The following MRPL47 variants were observed in gnomAD, a reference collection of about 807,000 sequenced individuals.
MRPL47 encodes mitochondrial ribosomal protein L47, also known as large ribosomal subunit protein uL29m.
Under a neutral mutation model 34.0 loss-of-function variants are expected in MRPL47, and 31 were observed. That is an observed-to-expected ratio of 0.91 (90% CI 0.68 to 1.23). MRPL47 has a LOEUF of 1.23. MRPL47 is among the 50% of genes most tolerant of loss of function. The pLI, the probability that MRPL47 is intolerant of heterozygous loss-of-function variation, is 0.00. For synonymous variants in MRPL47, 106 were observed against 101.6 expected (o/e 1.04, Z -0.26); for missense variants, 328 against 285.8 (o/e 1.15, Z -1.07).
intron 4 of MRPL47, among the ~76,000 whole-genome samples, chr3:179,597,385 A>G (rs182588126): frequency 3.3e-4 from 50 of 152,334 alleles, no homozygotes; most frequent in African/African-American, 9.1e-4. Context: ...TAAAGTAGCT[A>G]AGGTTAGGTA....
At chr3:179,597,730 C>T (rs1718819625) in intron 4 of MRPL47, among the ~76,000 whole-genome samples, 1 of 152,112 alleles carries the variant, frequency 6.6e-6, no homozygotes, top group African/African-American at 2.4e-5. Flanking sequence ...ATCGTTTGAA[C>T]CCGGGAGGTG....
chr3:179,597,546 C>T (rs146874538), intron 4 of MRPL47, among the ~76,000 whole-genome samples: 2 of 152,318 alleles, frequency 1.3e-5, no homozygotes, highest in African/African-American at 4.8e-5. Flanking sequence ...CGATGACTCA[C>T]ACCTGTAATC....
chr3:179,593,988 T>A (rs181630419), intron 4 of MRPL47, 93 bp from the exon 5 acceptor site: 9 of 1,149,884 alleles, frequency 7.8e-6, no homozygotes, highest in Non-Finnish European at 1.1e-5. Context: ...TACAGAAAAC[T>A]TATGAATATT....
At chr3:179,592,370 A>AT (rs1209043909) in intron 6 of MRPL47, among the ~76,000 whole-genome samples, 1 of 151,396 alleles carries the variant, frequency 6.6e-6, no homozygotes, top group Non-Finnish European at 1.5e-5. Context: ...AATTTTTTGT[A>AT]TATTTAGTAG....
intron 4 of MRPL47, among the ~76,000 whole-genome samples, chr3:179,597,284 C>A (rs2108382104): frequency 6.6e-6 from 1 of 152,258 alleles, no homozygotes; most frequent in Non-Finnish European, 1.5e-5. Flanking sequence ...TCATTTTATA[C>A]CTTCTTTGAT....
intron 3 of MRPL47, among the ~76,000 whole-genome samples, chr3:179,601,015 C>T (rs1718914321): frequency 6.6e-6 from 1 of 152,190 alleles, no homozygotes; most frequent in African/African-American, 2.4e-5. Flanking sequence ...CCAGAAAAAT[C>T]TACCTAAATT....
chr3:179,593,933 T>C (rs376312929), intron 4 of MRPL47, 38 bp from the exon 5 acceptor site: 144 of 1,583,038 alleles, frequency 9.1e-5, no homozygotes, highest in Non-Finnish European at 1.2e-4. Context: ...TCAACAATCA[T>C]CTACTACAAA....
intron 1 of MRPL47, 144 bp from the exon 2 acceptor site, chr3:179,602,941 T>A: frequency 1.4e-6 from 1 of 702,490 alleles, no homozygotes; most frequent in Non-Finnish European, 2.2e-6. Flanking sequence ...AGAATTAATT[T>A]TTTTTTCTTA....
Position 179,588,783 on chromosome 3 carries a change from G to A in MRPL47, c.*89C>T. The A allele has an allele frequency of 1.6e-6, 2 of 1,284,772 alleles. No homozygotes were observed. The highest frequency in any genetic ancestry group is 2.1e-6 in the Non-Finnish European group (2 of 946,178). 79.6% of individuals were successfully genotyped at this position (1,284,772 alleles called of 1,614,324 possible). A position where few individuals can be genotyped will look rare whatever the true frequency, so the allele number is the denominator to read the frequency against. ...TAGTAAAGTCACTTGACTAAAAACA[G>A]AATTTCTTTATAAACCACTTAACAT... On this transcript the variant is annotated 3_prime_UTR_variant, in exon 7 of 7. Coordinates refer to ENST00000476781, the MANE Select transcript of MRPL47 (RefSeq NM_020409.3).
chr3:179,595,385 T>C (rs1318300006), intron 4 of MRPL47, among the ~76,000 whole-genome samples: 1 of 152,198 alleles, frequency 6.6e-6, no homozygotes. Context: ...ACTTCTGCTA[T>C]CCTCAACTTC....
Position 179,588,536 on chromosome 3 carries a change from T to TAA in MRPL47, c.*334_*335dup, listed in dbSNP as rs1193457389. 1.0e-5 allele frequency: 2 copies of TAA among 198,078 alleles called. No homozygotes were observed. Among genetic ancestry groups the TAA allele is most frequent in the Non-Finnish European group, 2.1e-5 (2 of 96,512 alleles). 12.3% of individuals were successfully genotyped at this position (198,078 alleles called of 1,614,324 possible). ...CTTCATAGCCTATTAACAACAGAGG[T>TAA]AAAACTATTATTCAAATTCAAAAAC... On this transcript the variant is annotated 3_prime_UTR_variant, in exon 7 of 7. Coordinates refer to ENST00000476781, the MANE Select transcript of MRPL47 (RefSeq NM_020409.3).
At chr3:179,599,126 A>G (rs914028788) in intron 3 of MRPL47, among the ~76,000 whole-genome samples, 38 of 152,046 alleles carry the variant, frequency 2.5e-4, no homozygotes, top group African/African-American at 8.7e-4. Context: ...CTAAGATCAC[A>G]CTACTATACT....
At chr3:179,598,130 G>C (rs919935983) in intron 4 of MRPL47, among the ~76,000 whole-genome samples, 3 of 152,138 alleles carry the variant, frequency 2.0e-5, no homozygotes, top group Admixed American at 2.0e-4. Flanking sequence ...TATGTTAGAA[G>C]TTGCAGGTAG....
rs572019290 is a variant in MRPL47, at chr3:179,600,076, G to A, written c.306-1305C>T. On this transcript the variant is annotated intron_variant, in intron 3 of 6. Transcript: ENST00000476781. ...GCGGAGGTTGCAGTGGGCTGAGATC[G>A]TGCCATTGCACTCCGGCCTGGGCGA... Among the ~76,000 whole-genome samples, 87 of 151,628 alleles carry A rather than the reference G, an allele frequency of 5.7e-4. 1 individual carries two copies. The Middle Eastern group carries it at 0.01, about 18-fold the overall frequency.
intron 1 of MRPL47, among the ~76,000 whole-genome samples, chr3:179,604,073 AAAAT>A (rs1478626792): frequency 6.6e-6 from 1 of 152,198 alleles, no homozygotes; most frequent in Non-Finnish European, 1.5e-5. Context: ...AGGACCAAGA[AAAAT>A]AAATAAATAA....
intron 4 of MRPL47, among the ~76,000 whole-genome samples, chr3:179,597,658 A>T (rs1253208828): frequency 6.6e-6 from 1 of 152,020 alleles, no homozygotes; most frequent in Non-Finnish European, 1.5e-5. Flanking sequence ...AATACAAAAA[A>T]TTAGCCAGTA....
chr3:179,592,612 T>C (rs367601446), intron 6 of MRPL47, 32 bp downstream of exon 6: 27 of 1,307,696 alleles, frequency 2.1e-5, no homozygotes, highest in African/African-American at 5.8e-5. Context: ...GGTATAAAGA[T>C]AATATGTTTT....
chr3:179,603,859 A>G lies in MRPL47; in HGVS notation c.98+668T>C, dbSNP rs1317458653. ...GAAACTAAATAATGAAGTTTATCAC[A>G]AGTGTTGTATCCCTACCAAAAATAT... On this transcript the variant is annotated intron_variant, in intron 1 of 6. Transcript: ENST00000476781. 2.6e-5 allele frequency among the ~76,000 whole-genome samples: 4 copies of G among 152,302 alleles called. No homozygotes were observed. The East Asian group carries it at 7.7e-4, about 29-fold the overall frequency.
At chr3:179,592,319 CA>C (rs1718692040) in intron 6 of MRPL47, among the ~76,000 whole-genome samples, 4 of 152,146 alleles carry the variant, frequency 2.6e-5, no homozygotes, top group Non-Finnish European at 5.9e-5. Context: ...CTCAGCCTCC[CA>C]AGTAGCTGGG....
Sources: allele counts gnomAD v4.1 joint callset (sites outside exome capture counted in the v4.1 genomes callset), GRCh38; gene constraint gnomAD v4.1.1; transcripts MANE v1.5; gene names NCBI Gene and HGNC (gene_info 2026-07-23, HGNC 2026-07-21).